SLC35A1: variants seen among roughly 807,000 people sequenced by gnomAD.
SLC35A1 encodes CMP-sialic acid transporter.
In SLC35A1, 21 loss-of-function variants were observed where a neutral mutation model predicts 40.3. The ratio of observed to expected loss-of-function variants is 0.52; its 90% CI spans 0.37 to 0.75. The LOEUF is 0.75. Among genes scored for constraint, SLC35A1 ranks in the 30% least tolerant of loss-of-function variants. SLC35A1 has a pLI of 0.00. For missense variants in SLC35A1, 297 were observed against 382.1 expected, an observed-to-expected ratio of 0.78 and a Z score of 1.86; for synonymous variants, 146 against 147.3, an observed-to-expected ratio of 0.99 and a Z score of 0.06.
intron 4 of SLC35A1, among the ~76,000 whole-genome samples, chr6:87,505,434 A>G (rs1382106890): frequency 6.6e-6 from 1 of 152,208 alleles, no homozygotes; most frequent in East Asian, 1.9e-4. Flanking sequence ...GTCTCACACT[A>G]TTTTGGTTAT....
chr6:87,489,435 C>G (rs1769478568), intron 2 of SLC35A1, among the ~76,000 whole-genome samples: 1 of 151,978 alleles, frequency 6.6e-6, no homozygotes, highest in Non-Finnish European at 1.5e-5. Flanking sequence ...TCACACGTGT[C>G]CACCTCCCCT....
chr6:87,503,837 C>T (rs1032163944), intron 4 of SLC35A1, among the ~76,000 whole-genome samples: 1 of 152,194 alleles, frequency 6.6e-6, no homozygotes, highest in Non-Finnish European at 1.5e-5. Context: ...GTATGTTTCA[C>T]ACTTGGTGAA....
intron 4 of SLC35A1, among the ~76,000 whole-genome samples, chr6:87,503,153 A>C (rs1226612175): frequency 6.6e-6 from 1 of 152,154 alleles, no homozygotes; most frequent in Admixed American, 6.5e-5. Flanking sequence ...AATTCTCTCT[A>C]GCTTGATCTT....
chr6:87,500,720 GT>G, intron 3 of SLC35A1, 53 bp downstream of exon 3: 1 of 1,477,508 alleles, frequency 6.8e-7, no homozygotes. Flanking sequence ...GGTAAAAAGA[GT>G]TTTTATTAAC....
chr6:87,484,464 G>A (rs971754649), intron 2 of SLC35A1, among the ~76,000 whole-genome samples: 2 of 152,194 alleles, frequency 1.3e-5, no homozygotes, highest in African/African-American at 4.8e-5. Flanking sequence ...GGAGGAAAAG[G>A]GGGTCTTATT....
chr6:87,495,693 T>C (rs1235780747), intron 2 of SLC35A1, among the ~76,000 whole-genome samples: 1 of 151,812 alleles, frequency 6.6e-6, no homozygotes, highest in Non-Finnish European at 1.5e-5. Context: ...TCTAGCTCTG[T>C]CGCCCAGGCT....
At chr6:87,473,221 G>A (rs1768968892) in intron 1 of SLC35A1, among the ~76,000 whole-genome samples, 1 of 152,208 alleles carries the variant, frequency 6.6e-6, no homozygotes, top group Admixed American at 6.5e-5. Context: ...AGTCTCCGCG[G>A]CTGACTCCGC....
intron 2 of SLC35A1, among the ~76,000 whole-genome samples, chr6:87,490,335 A>AT (rs55804456): frequency 0.39 from 54,569 of 138,272 alleles, 10,861 homozygotes; most frequent in Admixed American, 0.46. Flanking sequence ...TATTGTCATC[A>AT]TTTTTTTTTT....
intron 4 of SLC35A1, among the ~76,000 whole-genome samples, chr6:87,503,708 T>G (rs942809489): frequency 1.3e-5 from 2 of 152,126 alleles, no homozygotes; most frequent in African/African-American, 4.8e-5. Context: ...CGAGACTCTG[T>G]TTCAATAATA....
rs1770279133 is a variant in SLC35A1, at chr6:87,511,612, C to T, written c.*86C>T. 4 of 1,442,022 alleles carry T rather than the reference C, an allele frequency of 2.8e-6. No individual in the cohort carries two copies. Among genetic ancestry groups the T allele is most frequent in the Non-Finnish European group, 3.9e-6 (4 of 1,025,310 alleles). The allele number at this position is 1,442,022 out of a possible 1,614,324, so 89.3% of individuals were successfully genotyped here. A position where few individuals can be genotyped will look rare whatever the true frequency, so the allele number is the denominator to read the frequency against. On this transcript the variant is annotated 3_prime_UTR_variant, in exon 8 of 8. Coordinates refer to ENST00000369552, the MANE Select transcript of SLC35A1 (RefSeq NM_006416.5). ...AGTCAATCTCAGAAGGTAGCATAAA[C>T]AAATAAAAATTAACTGTATGGCATG...
intron 4 of SLC35A1, among the ~76,000 whole-genome samples, chr6:87,503,514 C>T (rs956470976): frequency 2.6e-5 from 4 of 152,088 alleles, no homozygotes; most frequent in Admixed American, 2.6e-4. Flanking sequence ...AGTTCGAGAC[C>T]AGCCTGGCTA....
At chr6:87,495,325 A>G (rs1769691006) in intron 2 of SLC35A1, among the ~76,000 whole-genome samples, 1 of 152,248 alleles carries the variant, frequency 6.6e-6, no homozygotes, top group Non-Finnish European at 1.5e-5. Context: ...GGATGTGTAA[A>G]TGTTAATGTA....
intron 1 of SLC35A1, among the ~76,000 whole-genome samples, 196 bp from the exon 2 acceptor site, chr6:87,477,166 G>GGTGTGTGTGTGTGTGT (rs71018020): frequency 6.7e-6 from 1 of 149,772 alleles, no homozygotes; most frequent in African/African-American, 2.5e-5. Context: ...AGTCAGCTGT[G>GGTGTGTGTGTGTGTGT]GTGTGTGTGT....
At chr6:87,487,562 C>T (rs1769423569) in intron 2 of SLC35A1, among the ~76,000 whole-genome samples, 1 of 152,146 alleles carries the variant, frequency 6.6e-6, no homozygotes, top group South Asian at 2.1e-4. Context: ...TCATGGCCAA[C>T]AGCACTATAA....
intron 1 of SLC35A1, among the ~76,000 whole-genome samples, chr6:87,476,076 C>T (rs1769061092): frequency 6.6e-6 from 1 of 152,154 alleles, no homozygotes; most frequent in Non-Finnish European, 1.5e-5. Context: ...GACTTGGTAC[C>T]CACTGCTTAT....
At chr6:87,500,810 T>C in intron 3 of SLC35A1, 143 bp downstream of exon 3, 7 of 817,564 alleles carry the variant, frequency 8.6e-6, no homozygotes, top group Non-Finnish European at 1.3e-5. Flanking sequence ...TGCAGTGACG[T>C]GATCTCAGCT....
Position 87,500,573 on chromosome 6 carries a change from A to G in SLC35A1, c.260A>G (p.Glu87Gly). Residue 87 changes from glutamate to glycine, a missense_variant, in exon 3 of 8, where the codon GAA (glutamate) becomes GGA (glycine). By Grantham distance (98) the Glu-to-Gly change is moderately conservative. Transcript: ENST00000369552. The part of the protein sequence containing the change: ...LRENVLGSPK[E>G]LLKLSVPSLV... Reference sequence around the variant, plus strand: ...GAAAATGTCTTGGGGAGCCCCAAGGAACTGTTGAAGTTAAGTGTGCCATCG... The same window carrying G: ...GAAAATGTCTTGGGGAGCCCCAAGGGACTGTTGAAGTTAAGTGTGCCATCG... 6.2e-7 allele frequency: 1 copy of G among 1,614,110 alleles called. No homozygotes were observed. Among genetic ancestry groups the G allele is most frequent in the Non-Finnish European group, 8.5e-7 (1 of 1,179,974 alleles).
In SLC35A1 at chr6:87,508,610, A is replaced by T; in HGVS notation, c.751+14A>T. The T allele has an allele frequency of 1.2e-6, 2 of 1,604,048 alleles. No homozygotes were observed. Among genetic ancestry groups the T allele is most frequent in the Non-Finnish European group, 1.7e-6 (2 of 1,172,820 alleles). On this transcript the variant is annotated intron_variant, in intron 6 of 7. Transcript: ENST00000369552. ...GGTTTGTCATCTGTAAGTATCCAGG[A>T]ATTAAAGGTTCTTAGTAGATCCTTT...
Position 87,511,644 on chromosome 6 carries a change from G to A in SLC35A1, c.*118G>A. The A allele has an allele frequency of 8.9e-7, 1 of 1,118,048 alleles. No individual in the cohort carries two copies. The highest frequency in any genetic ancestry group is 1.7e-5 in the Admixed American group (1 of 58,812). 69.3% of individuals were successfully genotyped at this position (1,118,048 alleles called of 1,614,324 possible). On this transcript the variant is annotated 3_prime_UTR_variant, in exon 8 of 8. Transcript: ENST00000369552. ...AAATTAACTGTATGGCATGATCAGT[G>A]CGGTTATGTGGAAACAACAACAAAC...
Sources: allele counts gnomAD v4.1 joint callset (sites outside exome capture counted in the v4.1 genomes callset), GRCh38; gene constraint gnomAD v4.1.1; transcripts MANE v1.5; gene names NCBI Gene and HGNC (gene_info 2026-07-23, HGNC 2026-07-21).